The following DDX39B variants were observed in gnomAD, a reference collection of about 807,000 sequenced individuals.
DDX39B encodes DExD-box helicase 39B, also known as spliceosome RNA helicase DDX39B.
A neutral mutation model predicts 46.4 loss-of-function variants in DDX39B; 6 were observed. The observed-to-expected ratio is 0.13, with a 90% CI of 0.07 to 0.26. The LOEUF (loss-of-function observed/expected upper bound fraction) is 0.26. Ranked by LOEUF, DDX39B falls within the 10% of genes least tolerant of loss-of-function variation. DDX39B has a pLI of 1.00. For missense variants in DDX39B, 185 were observed against 553.4 expected (o/e 0.33, Z 6.68); for synonymous variants, 174 against 199.4 (o/e 0.87, Z 1.07).
chr6:31,534,956 T>C lies in DDX39B; in HGVS notation c.735+411A>G. The C allele has an allele frequency of 3.8e-6, 1 of 260,486 alleles. No homozygotes were observed. The allele number at this position is 260,486 out of a possible 1,614,324, so 16.1% of individuals were successfully genotyped here. Reference sequence around the variant, plus strand: ...CTCTTGCTCTCCTGCCACCGGGAAGTAGGAGTTTTGGTGAGCAGAAGGCTC... The same window carrying C: ...CTCTTGCTCTCCTGCCACCGGGAAGCAGGAGTTTTGGTGAGCAGAAGGCTC... On this transcript the variant is annotated intron_variant, in intron 6 of 10. Coordinates refer to ENST00000396172, the MANE Select transcript of DDX39B (RefSeq NM_004640.7). This position sits in a 1 kb window ranked among gnomAD's most constrained non-coding sequence, Gnocchi z 5.1.
Position 31,539,180 on chromosome 6 carries a change from G to A in DDX39B, c.306C>T (p.Ala102=), listed in dbSNP as rs1156705954. The change falls in exon 3 of 11, where the codon GCC becomes GCT. Residue 102 remains alanine (A), a synonymous_variant. Coordinates refer to ENST00000396172, the MANE Select transcript of DDX39B (RefSeq NM_004640.7). ...GMGKTAVFVL[A]TLQQLEPVTG... ...TAACTGGCTCCAGCTGTTGCAGTGT[G>A]GCCAAGACAAACACTGCTGTCTTTC... 10 of 1,613,112 alleles carry A rather than the reference G, an allele frequency of 6.2e-6. No homozygotes were observed. Among genetic ancestry groups the A allele is most frequent in the Non-Finnish European group, 6.8e-6 (8 of 1,180,054 alleles).
At chr6:31,533,198 C>T in intron 6 of DDX39B, 1 of 343,948 alleles carries the variant, frequency 2.9e-6, no homozygotes, top group South Asian at 2.6e-5. Context: ...CACCCAATGG[C>T]ACAGATGCCA....
intron 4 of DDX39B, among the ~76,000 whole-genome samples, chr6:31,537,728 T>C (rs1327335152): frequency 3.3e-5 from 5 of 152,094 alleles, no homozygotes; most frequent in Admixed American, 3.3e-4. Context: ...ACGCTAATCC[T>C]ATGGTAAATC....
At chr6:31,536,902 T>C (rs994137732) in intron 4 of DDX39B, among the ~76,000 whole-genome samples, 3 of 152,178 alleles carry the variant, frequency 2.0e-5, no homozygotes, top group Non-Finnish European at 4.4e-5. Context: ...AGGACAATAA[T>C]TCAGTTCTAC....
chr6:31,541,921 A>G, intron 1 of DDX39B, 29 bp downstream of exon 1: 1 of 641,090 alleles, frequency 1.6e-6, no homozygotes, highest in Admixed American at 2.4e-5. Flanking sequence ...CGCAGATGGA[A>G]ACGGATTGTA....
At chr6:31,536,386 T>C in intron 5 of DDX39B, 114 bp downstream of exon 5, 1 of 1,461,566 alleles carries the variant, frequency 6.8e-7, no homozygotes. Flanking sequence ...CCATCAGTCA[T>C]GGGTGATAGA....
chr6:31,532,556 G>A, intron 7 of DDX39B: 1 of 486,352 alleles, frequency 2.1e-6, no homozygotes, highest in South Asian at 2.7e-5. Flanking sequence ...CTTAATTTTT[G>A]AAGTTTATTT....
Position 31,534,710 on chromosome 6 carries a change from C to T in DDX39B, c.735+657G>A, listed in dbSNP as rs1217919694. ...CGCGGCCTCCGCTGCCGCCATCCAC[C>T]GCTGGGTGCCGTCTGCATTCCCTCG... On this transcript the variant is annotated intron_variant, in intron 6 of 10. Coordinates refer to ENST00000396172, the MANE Select transcript of DDX39B (RefSeq NM_004640.7). This position sits in a 1 kb window ranked among gnomAD's most constrained non-coding sequence, Gnocchi z 5.1. The T allele has an allele frequency of 2.8e-6, 1 of 354,202 alleles. No individual in the cohort carries two copies. Among genetic ancestry groups the T allele is most frequent in the Non-Finnish European group, 5.5e-6 (1 of 181,214 alleles). 21.9% of individuals were successfully genotyped at this position (354,202 alleles called of 1,614,324 possible).
Position 31,531,236 on chromosome 6 carries a change from C to G in DDX39B, c.978-39G>C. On this transcript the variant is annotated intron_variant, in intron 8 of 10. Coordinates refer to ENST00000396172, the MANE Select transcript of DDX39B (RefSeq NM_004640.7). The surrounding 1 kb of genome is among the most constrained non-coding windows in gnomAD (Gnocchi z 5.8). ...GAAATTTAAAACATGTTGAGATTCC[C>G]TTCTCTCAACTGTCTTTTTCTCCCA... 2 of 1,613,972 alleles carry G rather than the reference C, an allele frequency of 1.2e-6. No individual in the cohort carries two copies. The highest frequency in any genetic ancestry group is 1.7e-6 in the Non-Finnish European group (2 of 1,179,878).
intron 4 of DDX39B, 67 bp downstream of exon 4, chr6:31,538,696 G>A: frequency 7.2e-7 from 1 of 1,396,240 alleles, no homozygotes; most frequent in Non-Finnish European, 9.8e-7. Context: ...GAGACTATTG[G>A]CCTACAAGTT....
At chr6:31,539,022 A>G in intron 3 of DDX39B, 125 bp downstream of exon 3, 1 of 1,549,310 alleles carries the variant, frequency 6.5e-7, no homozygotes, top group South Asian at 1.1e-5. Context: ...CACAGCTGTC[A>G]GGTTGTCAAG....
rs1767111622 is a variant in DDX39B at position 31,531,131 on chromosome 6, G to A, written c.1044C>T (p.Gly348=). Residue 348 remains glycine, a synonymous_variant, in exon 9 of 11, where the codon GGC becomes GGT. Transcript: ENST00000396172. This position sits in a 1 kb window ranked among gnomAD's most constrained non-coding sequence, Gnocchi z 5.8. ...TCACCCGCTCGATGTCCATGCCTCGGCCAAATAGGTTGGTAGCCACAAGAA... is the reference window on the plus strand; with the variant it reads ...TCACCCGCTCGATGTCCATGCCTCGACCAAATAGGTTGGTAGCCACAAGAA... ...RRILVATNLF[G]RGMDIERVNI... 2 of 1,614,068 alleles carry A rather than the reference G, an allele frequency of 1.2e-6. No individual in the cohort carries two copies. Among genetic ancestry groups the A allele is most frequent in the Admixed American group, 1.7e-5 (1 of 60,000 alleles).
Position 31,535,313 on chromosome 6 carries a change from G to T in DDX39B, c.735+54C>A, listed in dbSNP as rs1767666978. ...GGAGTCTGAGGAAGAGGGCGAGGAA[G>T]GGGAGGAGGCAGCGGGCGGGGAGTG... is the stretch of plus-strand genomic sequence containing the variant. On this transcript the variant is annotated intron_variant, in intron 6 of 10. Transcript: ENST00000396172. The surrounding 1 kb of genome is among the most constrained non-coding windows in gnomAD (Gnocchi z 4.6). 1 of 1,539,872 alleles carries T rather than the reference G, an allele frequency of 6.5e-7. No individual in the cohort carries two copies. Among genetic ancestry groups the T allele is most frequent in the Non-Finnish European group, 9.0e-7 (1 of 1,113,180 alleles).
chr6:31,534,954 A>C lies in DDX39B; in HGVS notation c.735+413T>G. On this transcript the variant is annotated intron_variant, in intron 6 of 10. Transcript: ENST00000396172. The surrounding 1 kb of genome is among the most constrained non-coding windows in gnomAD (Gnocchi z 5.1). ...CTCTCTTGCTCTCCTGCCACCGGGA[A>C]GTAGGAGTTTTGGTGAGCAGAAGGC... is the stretch of plus-strand genomic sequence containing the variant. The C allele has an allele frequency of 1.1e-5, 3 of 263,734 alleles. No individual in the cohort carries two copies. The highest frequency in any genetic ancestry group is 4.8e-5 in the Admixed American group (1 of 21,016). 16.3% of individuals were successfully genotyped at this position (263,734 alleles called of 1,614,324 possible).
At position 31,540,329 on chromosome 6, in the gene DDX39B, C is replaced by T. The variant is rs771584568; in HGVS notation, c.204G>A (p.Pro68=). The T allele has an allele frequency of 1.4e-5, 22 of 1,614,044 alleles. No individual in the cohort carries two copies. The highest frequency in any genetic ancestry group is 5.3e-5 in the African/African-American group (4 of 74,924). ...GCCCAAGAGAAAATTTACCTTCTGA[C>T]GGATGCTCAAAGCCACAGTCGACAA... The part of the protein sequence containing the change: ...RAIVDCGFEH[P]SEVQHECIPQ... The change falls in exon 2 of 11, where the codon CCG becomes CCA. Residue 68 remains proline, a synonymous_variant. Transcript: ENST00000396172.
rs1186924365 is a variant in DDX39B, at chr6:31,532,730, T to C, written c.867+50A>G. On this transcript the variant is annotated intron_variant, in intron 7 of 10. Transcript: ENST00000396172. ...GTGTACTTAATATCCAGGTTTCTGC[T>C]ACAGCTGGAGTGCTCCAATGCTCAT... is the stretch of plus-strand genomic sequence containing the variant. The C allele has an allele frequency of 3.1e-6, 5 of 1,595,404 alleles. No homozygotes were observed. The African/African-American group carries it at 6.7e-5, about 21-fold the overall frequency.
In DDX39B at chr6:31,532,903, C is replaced by A; in HGVS notation, c.744G>T (p.Glu248Asp). ...VCRKFMQDPM[E>D]IFVDDETKLT... ...ACTTCGTCTCATCATCCACGAAGAT[C>A]TCCATTGGCTGGGGGGGAGGAAGGG... Residue 248 changes from glutamate to aspartate, a missense_variant, in exon 7 of 11, where the codon GAG becomes GAT. Glu to Asp is a conservative substitution (Grantham distance 45, BLOSUM62 2). This residue lies in a region of DDX39B where 110 missense variants were observed against 282.2 expected (regional missense o/e 0.39). Transcript: ENST00000396172. 1 of 1,551,422 alleles carries A rather than the reference C, an allele frequency of 6.4e-7. No homozygotes were observed. The highest frequency in any genetic ancestry group is 1.1e-5 in the South Asian group (1 of 89,110).
chr6:31,541,548 GCTC>G (rs1768451454), intron 1 of DDX39B: 1 of 430,268 alleles, frequency 2.3e-6, no homozygotes, highest in Non-Finnish European at 4.7e-6. Context: ...CCAGAAACCA[GCTC>G]CTCCTCCCAG....
Position 31,534,506 on chromosome 6 carries a change from C to G in DDX39B, c.735+861G>C, listed in dbSNP as rs1353262263. The G allele has an allele frequency of 2.1e-6, 1 of 470,604 alleles. No homozygotes were observed. The highest frequency in any genetic ancestry group is 2.4e-5 in the Admixed American group (1 of 42,464). The allele number at this position is 470,604 out of a possible 1,614,324, so 29.2% of individuals were successfully genotyped here. ...TTTACCTTTCCTATGTCCCTCTCCTCTGAGTATTAAAAAAAACAAAAAAAT... is the reference window on the plus strand; with the variant it reads ...TTTACCTTTCCTATGTCCCTCTCCTGTGAGTATTAAAAAAAACAAAAAAAT... On this transcript the variant is annotated intron_variant, in intron 6 of 10. Transcript: ENST00000396172. The surrounding 1 kb of genome is among the most constrained non-coding windows in gnomAD (Gnocchi z 5.1).
Sources: allele counts gnomAD v4.1 joint callset (sites outside exome capture counted in the v4.1 genomes callset), GRCh38; gene constraint gnomAD v4.1.1; regional missense constraint gnomAD v4.1.1; non-coding constraint Gnocchi (gnomAD v3.1); transcripts MANE v1.5; gene names NCBI Gene and HGNC (gene_info 2026-07-23, HGNC 2026-07-21).